The following CDIN1 variants were observed in gnomAD, a reference collection of about 807,000 sequenced individuals.
CDIN1 encodes the protein CDAN1 interacting nuclease 1.
CDIN1 carries 33 observed loss-of-function variants against 45.3 expected under a neutral mutation model. The observed-to-expected ratio is 0.73, with a 90% confidence interval of 0.55 to 0.97. The LOEUF is 0.97. Ranked by LOEUF, CDIN1 falls within the 50% of genes least tolerant of loss-of-function variation. The probability of loss-of-function intolerance (pLI) is 0.00; values close to 1 mark genes in which losing one functional copy is unlikely to be tolerated. For missense variants in CDIN1, 303 were observed against 339.4 expected (o/e 0.89, Z 0.84); for synonymous variants, 118 against 124.4 (o/e 0.95, Z 0.34).
chr15:36,774,133 G>GGTGTGTGTGTGTGTGTGTGT (rs761451923), intron 10 of CDIN1, among the ~76,000 whole-genome samples: 16 of 138,832 alleles, frequency 1.2e-4, no homozygotes, highest in African/African-American at 4.1e-4. Context: ...AACTGACAGG[G>GGTGTGTGTGTGTGTGTGTGT]GTGTGTGTGT....
At chr15:36,589,636 G>A (rs1264618711) in intron 1 of CDIN1, among the ~76,000 whole-genome samples, 4 of 152,088 alleles carry the variant, frequency 2.6e-5, no homozygotes, top group Non-Finnish European at 5.9e-5. Flanking sequence ...CTCCCGAGTA[G>A]CTGGGACTAC....
intron 1 of CDIN1, among the ~76,000 whole-genome samples, chr15:36,587,519 C>A (rs1196302747): frequency 6.6e-6 from 1 of 151,972 alleles, no homozygotes; most frequent in African/African-American, 2.4e-5. Flanking sequence ...AGTGGAGTAG[C>A]TAAAAAACTT....
intron 1 of CDIN1, among the ~76,000 whole-genome samples, chr15:36,625,243 T>C (rs991160379): frequency 6.6e-6 from 1 of 150,928 alleles, no homozygotes; most frequent in Non-Finnish European, 1.5e-5. Flanking sequence ...ATTGCGCCAC[T>C]GCACTCCAGC....
intron 1 of CDIN1, among the ~76,000 whole-genome samples, chr15:36,623,006 T>TG (rs532692873): frequency 1.9e-4 from 29 of 152,348 alleles, no homozygotes; most frequent in African/African-American, 6.7e-4. Context: ...CATTCAAATT[T>TG]GGGGAGAATC....
At chr15:36,675,296 T>C (rs2041607255) in intron 5 of CDIN1, among the ~76,000 whole-genome samples, 1 of 152,180 alleles carries the variant, frequency 6.6e-6, no homozygotes, top group Non-Finnish European at 1.5e-5. Context: ...CTTAAAAATG[T>C]ATTAAATTCC....
intron 10 of CDIN1, among the ~76,000 whole-genome samples, chr15:36,724,212 G>A (rs754108776): frequency 6.6e-6 from 1 of 152,072 alleles, no homozygotes; most frequent in African/African-American, 2.4e-5. Flanking sequence ...AGATTGAATA[G>A]AAACAAGAAT....
chr15:36,765,544 C>G (rs74832111), intron 10 of CDIN1, among the ~76,000 whole-genome samples: 11 of 152,252 alleles, frequency 7.2e-5, no homozygotes, highest in African/African-American at 2.6e-4. Context: ...CCTTCTAACT[C>G]TGGGGCCAAT....
At chr15:36,752,272 ATATAT>A (rs1447611249) in intron 10 of CDIN1, among the ~76,000 whole-genome samples, 2 of 152,226 alleles carry the variant, frequency 1.3e-5, no homozygotes, top group South Asian at 2.1e-4. Flanking sequence ...TATGCCAAAG[ATATAT>A]TAAATACAAT....
At chr15:36,774,491 GC>G (rs936543616) in intron 10 of CDIN1, among the ~76,000 whole-genome samples, 2 of 148,674 alleles carry the variant, frequency 1.3e-5, no homozygotes, top group Non-Finnish European at 3.0e-5. Flanking sequence ...TTTTCATTTA[GC>G]AAAAAAAAAA....
At chr15:36,618,565 C>G in intron 1 of CDIN1, 2 of 908,538 alleles carry the variant, frequency 2.2e-6, no homozygotes, top group East Asian at 4.8e-5. Flanking sequence ...ATCAAGAATC[C>G]CAGATAAACT....
chr15:36,739,196 T>C (rs1029157717), intron 10 of CDIN1, among the ~76,000 whole-genome samples: 10 of 152,140 alleles, frequency 6.6e-5, no homozygotes, highest in Admixed American at 2.6e-4. Flanking sequence ...GATTTGAGAC[T>C]AGCTGGGCAA....
chr15:36,694,388 G>A (rs1230591500), intron 7 of CDIN1, among the ~76,000 whole-genome samples: 1 of 152,130 alleles, frequency 6.6e-6, no homozygotes, highest in East Asian at 1.9e-4. Context: ...CTTACTCTCA[G>A]TAAATTACAT....
chr15:36,778,559 TAATC>T (rs1210251327), intron 10 of CDIN1, among the ~76,000 whole-genome samples: 2 of 152,218 alleles, frequency 1.3e-5, no homozygotes, highest in African/African-American at 4.8e-5. Flanking sequence ...TTCTTAGAAT[TAATC>T]AATAACACCT....
intron 1 of CDIN1, among the ~76,000 whole-genome samples, chr15:36,608,659 G>T (rs2038495949): frequency 6.6e-6 from 1 of 151,402 alleles, no homozygotes; most frequent in African/African-American, 2.4e-5. Context: ...TCTTTTTTAA[G>T]GATCTTACTT....
At chr15:36,794,892 C>G (rs980018647) in intron 10 of CDIN1, among the ~76,000 whole-genome samples, 18 of 152,088 alleles carry the variant, frequency 1.2e-4, no homozygotes, top group African/African-American at 4.3e-4. Context: ...AAGTGTCCAT[C>G]AGTGGATGAA....
chr15:36,668,612 C>T (rs1024051656), intron 5 of CDIN1, among the ~76,000 whole-genome samples: 1 of 152,096 alleles, frequency 6.6e-6, no homozygotes, highest in South Asian at 2.1e-4. Context: ...CATCCTCTCT[C>T]CATTATTTAA....
intron 10 of CDIN1, among the ~76,000 whole-genome samples, chr15:36,797,186 C>G (rs1216591848): frequency 6.6e-6 from 1 of 152,200 alleles, no homozygotes; most frequent in Non-Finnish European, 1.5e-5. Flanking sequence ...GTGTCATATA[C>G]AAATACAGTT....
chr15:36,684,505 G>A (rs1027365761), intron 5 of CDIN1, among the ~76,000 whole-genome samples: 19 of 152,288 alleles, frequency 1.2e-4, no homozygotes, highest in African/African-American at 4.1e-4. Flanking sequence ...TTTTGCATCA[G>A]TGTTCATCAA....
intron 5 of CDIN1, among the ~76,000 whole-genome samples, chr15:36,664,376 C>T (rs1308880270): frequency 6.6e-6 from 1 of 152,168 alleles, no homozygotes; most frequent in Non-Finnish European, 1.5e-5. Context: ...TCATTTGATT[C>T]TTAATTATTC....
Sources: gnomAD v4.1 joint callset for allele counts (sites outside exome capture counted in the v4.1 genomes callset) on GRCh38, gnomAD v4.1.1 for gene constraint, MANE v1.5 for transcripts, NCBI Gene and HGNC (gene_info 2026-07-23, HGNC 2026-07-21) for gene names.